Variants in REEP6 observed in about 807,000 individuals in gnomAD.
REEP6 encodes the protein receptor accessory protein 6.
Under a neutral mutation model 22.4 loss-of-function variants are expected in REEP6, and 19 were observed. The ratio of observed to expected loss-of-function variants is 0.85; its 90% CI spans 0.59 to 1.25. The LOEUF (loss-of-function observed/expected upper bound fraction) is 1.25. Among genes scored for constraint, REEP6 ranks in the 50% most tolerant of loss-of-function variants. REEP6 has a pLI of 0.00. For missense variants in REEP6, 273 were observed against 251.9 expected (o/e 1.08, Z -0.57); for synonymous variants, 121 against 113.6 (o/e 1.06, Z -0.41).
intron 1 of REEP6, among the ~76,000 whole-genome samples, chr19:1,494,347 G>C (rs181947246): frequency 3.3e-5 from 5 of 152,304 alleles, no homozygotes; most frequent in Admixed American, 3.3e-4. Flanking sequence ...GGGACACTGG[G>C]TGATGTCTGG....
Position 1,496,642 on chromosome 19 carries a change from C to T in REEP6, c.517+189C>T, listed in dbSNP as rs745554551. The T allele has an allele frequency of 3.8e-6, 3 of 781,434 alleles. No individual in the cohort carries two copies. In the African/African-American group the frequency reaches 5.1e-5, roughly 13 times the overall value. The allele number at this position is 781,434 out of a possible 1,614,324, so 48.4% of individuals were successfully genotyped here. ...GCAGGCATCACCCCGGTGGCTGTGG[C>T]CGGGCCCTCCACTCCCCTGGAAGCT... is the stretch of plus-strand genomic sequence containing the variant. On this transcript the variant is annotated intron_variant, in intron 4 of 4. Transcript: ENST00000233596.
rs2084946391 is a variant in REEP6 at position 1,491,715 on chromosome 19, C to T, written c.115+331C>T. The stretch of plus-strand genomic sequence containing the variant: ...GCCAGTGTCCTGCGCGTTTCGCCGT[C>T]CCCCTTCCCCCGTGGACCCCGGCCT... On this transcript the variant is annotated intron_variant, in intron 1 of 4. Coordinates refer to ENST00000233596, the MANE Select transcript of REEP6 (RefSeq NM_138393.4). The surrounding 1 kb of genome is among the most constrained non-coding windows in gnomAD (Gnocchi z 5.4). 6.6e-6 allele frequency among the ~76,000 whole-genome samples: 1 copy of T among 152,240 alleles called. No individual in the cohort carries two copies. The highest frequency in any genetic ancestry group is 1.5e-5 in the Non-Finnish European group (1 of 68,038).
At chr19:1,495,826 G>A in intron 3 of REEP6, 1 of 628,312 alleles carries the variant, frequency 1.6e-6, no homozygotes, top group South Asian at 2.0e-5. Flanking sequence ...GCTCCAATAG[G>A]ATGTCCGATG....
At position 1,497,240 on chromosome 19, in the gene REEP6, C is replaced by A; in HGVS notation, c.*29C>A. The A allele has an allele frequency of 1.3e-6, 2 of 1,555,382 alleles. No homozygotes were observed. The highest frequency in any genetic ancestry group is 8.7e-7 in the Non-Finnish European group (1 of 1,148,326). Reference sequence around the variant, plus strand: ...AGCCCCCTGAGCCTCACAAGGACCTCCTGGCTGGTGAGGAGGGGGCCGCGC... The same window carrying A: ...AGCCCCCTGAGCCTCACAAGGACCTACTGGCTGGTGAGGAGGGGGCCGCGC... On this transcript the variant is annotated 3_prime_UTR_variant, in exon 5 of 5. Coordinates refer to ENST00000233596, the MANE Select transcript of REEP6 (RefSeq NM_138393.4). This position sits in a 1 kb window ranked among gnomAD's most constrained non-coding sequence, Gnocchi z 6.5.
chr19:1,496,064 G>A (rs976972727), intron 3 of REEP6: 49 of 581,494 alleles, frequency 8.4e-5, no homozygotes, highest in Non-Finnish European at 1.3e-4. Context: ...CCAGTAGGAC[G>A]TCTGATGGTG....
At position 1,497,460 on chromosome 19, in the gene REEP6, T is replaced by C; in HGVS notation, c.*249T>C. ...TGGCTCTGGCTGTGGCTCCCGCCTGTCCGGCAGGGCCCAGGGCCAGCGTCG... is the reference window on the plus strand; with the variant it reads ...TGGCTCTGGCTGTGGCTCCCGCCTGCCCGGCAGGGCCCAGGGCCAGCGTCG... On this transcript the variant is annotated 3_prime_UTR_variant, in exon 5 of 5. Transcript: ENST00000233596. The surrounding 1 kb of genome is among the most constrained non-coding windows in gnomAD (Gnocchi z 6.5). 1.4e-6 allele frequency: 1 copy of C among 704,108 alleles called. No individual in the cohort carries two copies. Among genetic ancestry groups the C allele is most frequent in the South Asian group, 1.5e-5 (1 of 66,624 alleles). The allele number at this position is 704,108 out of a possible 1,614,324, so 43.6% of individuals were successfully genotyped here.
intron 3 of REEP6, 200 bp from the exon 4 acceptor site, chr19:1,496,085 T>C (rs2085003776): frequency 1.6e-6 from 1 of 627,290 alleles, no homozygotes; most frequent in African/African-American, 1.9e-5. Flanking sequence ...GAGGGCTCAC[T>C]CTAGAGGGTA....
rs956762807 is a variant in REEP6 at position 1,497,084 on chromosome 19, A to G, written c.518-90A>G. The G allele has an allele frequency of 3.5e-5, 39 of 1,108,328 alleles. No homozygotes were observed. In the African/African-American group the frequency reaches 5.4e-4, roughly 15 times the overall value. 68.7% of individuals were successfully genotyped at this position (1,108,328 alleles called of 1,614,324 possible). A position where few individuals can be genotyped will look rare whatever the true frequency, so the allele number is the denominator to read the frequency against. ...CCCGGCCCCTCGACTTGTCATGCTC[A>G]TAGCCAGTAGCCTCAGTCCCGCCTG... On this transcript the variant is annotated intron_variant, in intron 4 of 4. Transcript: ENST00000233596. This position sits in a 1 kb window ranked among gnomAD's most constrained non-coding sequence, Gnocchi z 6.5.
At position 1,493,018 on chromosome 19, in the gene REEP6, C is replaced by T. The variant is rs577213443; in HGVS notation, c.115+1634C>T. Among the ~76,000 whole-genome samples the T allele has an allele frequency of 5.9e-5, 9 of 152,178 alleles. No individual in the cohort carries two copies. The South Asian group carries it at 6.2e-4, about 11-fold the overall frequency. On this transcript the variant is annotated intron_variant, in intron 1 of 4. Coordinates refer to ENST00000233596, the MANE Select transcript of REEP6 (RefSeq NM_138393.4). ...GCCTGGGGCACCGTGTCACCAGAGA[C>T]GAAACTGAGGCACAGGGAGGCAGGG...
intron 1 of REEP6, among the ~76,000 whole-genome samples, chr19:1,493,476 G>C (rs1350660553): frequency 2.6e-5 from 4 of 152,130 alleles, no homozygotes; most frequent in Non-Finnish European, 5.9e-5. Context: ...TCCAGAAGTG[G>C]CCTCTATCTC....
chr19:1,493,101 G>C (rs1309655947), intron 1 of REEP6, among the ~76,000 whole-genome samples: 4 of 152,148 alleles, frequency 2.6e-5, no homozygotes, highest in Non-Finnish European at 5.9e-5. Context: ...CCCACCCCCA[G>C]TCCCATCTGC....
chr19:1,496,163 G>T (rs1001647964), intron 3 of REEP6, 122 bp from the exon 4 acceptor site: 47 of 1,229,242 alleles, frequency 3.8e-5, no homozygotes, highest in Non-Finnish European at 5.0e-5. Context: ...CCTAAAGGGT[G>T]TCTGATGGTG....
Position 1,495,521 on chromosome 19 carries a change from T to TACTG in REEP6, c.263_266dup (p.Trp89Ter). The stretch of plus-strand genomic sequence containing the variant: ...GGACGACGACACTGTGTGGCTCACC[T>TACTG]ACTGGGTGGTGTACGCCCTGTTTGG... On this transcript the variant is annotated stop_gained and frameshift_variant, in exon 3 of 5. Transcript: ENST00000233596. LOFTEE classifies it high-confidence loss of function. 1.2e-6 allele frequency: 2 copies of TACTG among 1,614,104 alleles called. No homozygotes were observed. Among genetic ancestry groups the TACTG allele is most frequent in the Non-Finnish European group, 1.7e-6 (2 of 1,180,024 alleles).
In REEP6 at chr19:1,497,250, G is replaced by A. The variant is rs1414876646; in HGVS notation, c.*39G>A. The A allele has an allele frequency of 2.6e-6, 4 of 1,544,886 alleles. No individual in the cohort carries two copies. The East Asian group carries it at 9.5e-5, about 37-fold the overall frequency. On this transcript the variant is annotated 3_prime_UTR_variant, in exon 5 of 5. Transcript: ENST00000233596. This position sits in a 1 kb window ranked among gnomAD's most constrained non-coding sequence, Gnocchi z 6.5. The stretch of plus-strand genomic sequence containing the variant: ...GCCTCACAAGGACCTCCTGGCTGGT[G>A]AGGAGGGGGCCGCGCCAGGCTCCCA...
At position 1,491,975 on chromosome 19, in the gene REEP6, C is replaced by T. The variant is rs187359055; in HGVS notation, c.115+591C>T. ...GAGGCTGGACTGGGGCCCACAGAGC[C>T]GGAGATCCAGGCACCCCGATTGTGA... On this transcript the variant is annotated intron_variant, in intron 1 of 4. Coordinates refer to ENST00000233596, the MANE Select transcript of REEP6 (RefSeq NM_138393.4). This position sits in a 1 kb window ranked among gnomAD's most constrained non-coding sequence, Gnocchi z 5.4. Among the ~76,000 whole-genome samples the T allele has an allele frequency of 7.2e-5, 11 of 152,300 alleles. No individual in the cohort carries two copies. The highest frequency in any genetic ancestry group is 4.1e-4 in the South Asian group (2 of 4,824).
At position 1,497,175 on chromosome 19, in the gene REEP6, C is replaced by T; in HGVS notation, c.519C>T (p.Val173=). The change falls in exon 5 of 5, where the codon GTC becomes GTT. Residue 173 remains valine, a splice_region_variant and synonymous_variant. Coordinates refer to ENST00000233596, the MANE Select transcript of REEP6 (RefSeq NM_138393.4). The surrounding 1 kb of genome is among the most constrained non-coding windows in gnomAD (Gnocchi z 6.5). ...LDAAAGITRN[V]KPSQTPQPKD... ...CCCCACCCGCCCCTCTCTCTGCAGT[C>T]AAGCCAAGCCAGACCCCGCAGCCGA... 8.2e-7 allele frequency: 1 copy of T among 1,222,928 alleles called. No individual in the cohort carries two copies. The highest frequency in any genetic ancestry group is 1.6e-5 in the South Asian group (1 of 62,296). The allele number at this position is 1,222,928 out of a possible 1,614,324, so 75.8% of individuals were successfully genotyped here. A position where few individuals can be genotyped will look rare whatever the true frequency, so the allele number is the denominator to read the frequency against.
rs1291375196 is a variant in REEP6 at position 1,495,536 on chromosome 19, G to A, written c.277G>A (p.Ala93Thr). Residue 93 changes from alanine to threonine, a missense_variant, in exon 3 of 5, where the codon GCC becomes ACC. Ala to Thr is a moderately conservative substitution (Grantham distance 58). Coordinates refer to ENST00000233596, the MANE Select transcript of REEP6 (RefSeq NM_138393.4). Reference protein sequence around the residue: ...TVWLTYWVVYALFGLAEFFSD... With the variant: ...TVWLTYWVVYTLFGLAEFFSD... ...GTGGCTCACCTACTGGGTGGTGTACGCCCTGTTTGGGCTGGCCGAGTTCTT... is the reference window on the plus strand; with the variant it reads ...GTGGCTCACCTACTGGGTGGTGTACACCCTGTTTGGGCTGGCCGAGTTCTT... 5.6e-6 allele frequency: 9 copies of A among 1,613,960 alleles called. No homozygotes were observed. Among genetic ancestry groups the A allele is most frequent in the Admixed American group, 3.3e-5 (2 of 60,004 alleles).
intron 3 of REEP6, 177 bp downstream of exon 3, chr19:1,495,784 T>C: frequency 1.3e-6 from 1 of 792,240 alleles, no homozygotes; most frequent in Non-Finnish European, 2.0e-6. Flanking sequence ...GGGCCCACCC[T>C]GAAGGGTGTC....
At chr19:1,494,329 C>T (rs973656705) in intron 1 of REEP6, among the ~76,000 whole-genome samples, 5 of 152,166 alleles carry the variant, frequency 3.3e-5, no homozygotes, top group South Asian at 2.1e-4. Context: ...CCCCCCACCC[C>T]GCCCCAGGGG....
Sources: allele counts gnomAD v4.1 joint callset (sites outside exome capture counted in the v4.1 genomes callset), GRCh38; gene constraint gnomAD v4.1.1; non-coding constraint Gnocchi (gnomAD v3.1); transcripts MANE v1.5; gene names NCBI Gene and HGNC (gene_info 2026-07-23, HGNC 2026-07-21).